Variants in CNTN1 observed in about 807,000 individuals in gnomAD.
CNTN1 encodes contactin 1.
CNTN1 carries 38 observed loss-of-function variants against 126.4 expected under a neutral mutation model. The observed-to-expected ratio is 0.30, with a 90% confidence interval of 0.23 to 0.39. The LOEUF is 0.39. CNTN1 is among the 10% of genes least tolerant of loss of function. The pLI, the probability that CNTN1 is intolerant of heterozygous loss-of-function variation, is 1.00. For synonymous variants in CNTN1, 413 were observed against 422.6 expected, an observed-to-expected ratio of 0.98 and a Z score of 0.28; for missense variants, 1,009 against 1,248.4, an observed-to-expected ratio of 0.81 and a Z score of 2.89.
intron 1 of CNTN1, among the ~76,000 whole-genome samples, chr12:40,886,578 C>T (rs1445354014): frequency 6.6e-6 from 1 of 152,112 alleles, no homozygotes; most frequent in Non-Finnish European, 1.5e-5. Context: ...TTAATTAGAT[C>T]CCATTTGTCA....
Position 40,820,683 on chromosome 12 carries a change from T to C in CNTN1, c.-76-87674T>C, listed in dbSNP as rs1941415594. Among the ~76,000 whole-genome samples the C allele has an allele frequency of 2.6e-5, 4 of 152,122 alleles. 1 individual carries two copies. Among genetic ancestry groups the C allele is most frequent in the South Asian group, 4.2e-4 (2 of 4,812 alleles). On this transcript the variant is annotated intron_variant, in intron 1 of 23. Transcript: ENST00000551295. ...CTCTCCAGGTTGTTCACAGTGGCAA[T>C]GGCTCTTGGTGACCTCAGTGGTGAA...
chr12:40,769,873 G>A (rs1592067116), intron 1 of CNTN1, among the ~76,000 whole-genome samples: 1 of 151,938 alleles, frequency 6.6e-6, no homozygotes, highest in Non-Finnish European at 1.5e-5. Flanking sequence ...TTCATCCTTG[G>A]CCCAGTAATT....
At chr12:40,790,320 GT>G (rs1940171796) in intron 1 of CNTN1, among the ~76,000 whole-genome samples, 1 of 152,066 alleles carries the variant, frequency 6.6e-6, no homozygotes, top group Non-Finnish European at 1.5e-5. Context: ...GGTGGGCAGT[GT>G]TATGGATAGG....
intron 1 of CNTN1, among the ~76,000 whole-genome samples, chr12:40,862,476 T>C (rs1369797086): frequency 2.6e-5 from 4 of 152,208 alleles, no homozygotes; most frequent in Non-Finnish European, 5.9e-5. Context: ...TTACATGTGT[T>C]TCCTCTCCTT....
intron 23 of CNTN1, among the ~76,000 whole-genome samples, chr12:41,036,843 A>G (rs1418555654): frequency 1.3e-5 from 2 of 152,216 alleles, no homozygotes; most frequent in Non-Finnish European, 2.9e-5. Context: ...GGCTTGGCAT[A>G]TACTTGCCAA....
At chr12:41,059,716 T>C (rs370156492) in intron 23 of CNTN1, among the ~76,000 whole-genome samples, 1 of 152,166 alleles carries the variant, frequency 6.6e-6, no homozygotes, top group Non-Finnish European at 1.5e-5. Context: ...CTAAGTGGTT[T>C]AAAAGAATTA....
intron 1 of CNTN1, among the ~76,000 whole-genome samples, chr12:40,732,709 A>G (rs1942531216): frequency 6.6e-6 from 1 of 152,040 alleles, no homozygotes; most frequent in African/African-American, 2.4e-5. Context: ...AGTGTTAATG[A>G]TTTGCCTACA....
At chr12:40,696,379 T>C (rs1565611447) in intron 1 of CNTN1, among the ~76,000 whole-genome samples, 1 of 152,242 alleles carries the variant, frequency 6.6e-6, no homozygotes, top group Non-Finnish European at 1.5e-5. Context: ...CTAATTTGTA[T>C]CTTTCTCTGC....
chr12:40,904,733 A>G (rs1343980240), intron 1 of CNTN1, among the ~76,000 whole-genome samples: 1 of 152,188 alleles, frequency 6.6e-6, no homozygotes, highest in Non-Finnish European at 1.5e-5. Context: ...CCCAGACCCT[A>G]TTCTTATTTT....
intron 15 of CNTN1, among the ~76,000 whole-genome samples, chr12:40,975,178 TTATATATA>T (rs58939653): frequency 0.013 from 611 of 48,540 alleles, 3 homozygotes; most frequent in African/African-American, 0.021. Context: ...GTAAAATGGA[TTATATATA>T]TATATATATA....
intron 3 of CNTN1, among the ~76,000 whole-genome samples, chr12:40,917,090 T>C (rs1184252289): frequency 2.0e-5 from 3 of 149,714 alleles, no homozygotes; most frequent in East Asian, 4.1e-4. Flanking sequence ...AACTTGAGGA[T>C]TTTAGTAACC....
At chr12:40,914,979 C>CTA (rs1759750410) in intron 3 of CNTN1, among the ~76,000 whole-genome samples, 1 of 151,940 alleles carries the variant, frequency 6.6e-6, no homozygotes, top group Non-Finnish European at 1.5e-5. Flanking sequence ...ATGTGACATT[C>CTA]TATAATTTTC....
chr12:41,069,230 G>A lies in CNTN1; in HGVS notation c.2981-729G>A, dbSNP rs918013075. On this transcript the variant is annotated intron_variant, in intron 23 of 23. Transcript: ENST00000551295. Reference sequence around the variant, plus strand: ...ACATCATTTCAATTTTTAATTCACAGTGTAATATCTCAGGGCAATTGTTCT... The same window carrying A: ...ACATCATTTCAATTTTTAATTCACAATGTAATATCTCAGGGCAATTGTTCT... Among the ~76,000 whole-genome samples the A allele has an allele frequency of 6.6e-5, 10 of 152,124 alleles. No individual in the cohort carries two copies. The East Asian group carries it at 1.5e-3, about 23-fold the overall frequency.
chr12:40,706,388 C>T (rs1213805778), intron 1 of CNTN1, among the ~76,000 whole-genome samples: 1 of 151,892 alleles, frequency 6.6e-6, no homozygotes, highest in Non-Finnish European at 1.5e-5. Flanking sequence ...CCTGGCCTGA[C>T]TTCTCCCAGG....
chr12:40,946,518 A>G (rs1946439851), intron 14 of CNTN1, among the ~76,000 whole-genome samples: 1 of 152,154 alleles, frequency 6.6e-6, no homozygotes, highest in Admixed American at 6.6e-5. Context: ...AGACATGGAC[A>G]CCAGCCCAAA....
At chr12:40,887,844 A>G (rs1390427650) in intron 1 of CNTN1, among the ~76,000 whole-genome samples, 1 of 152,108 alleles carries the variant, frequency 6.6e-6, no homozygotes, top group Non-Finnish European at 1.5e-5. Flanking sequence ...ATAAAAAATG[A>G]TGAGTTCATG....
intron 1 of CNTN1, among the ~76,000 whole-genome samples, chr12:40,806,972 C>G (rs957093790): frequency 3.3e-5 from 5 of 151,936 alleles, no homozygotes; most frequent in Non-Finnish European, 7.4e-5. Context: ...TTTCTACATC[C>G]TAAATGAAGG....
intron 1 of CNTN1, among the ~76,000 whole-genome samples, chr12:40,882,097 T>C (rs1288261336): frequency 6.6e-6 from 1 of 151,714 alleles, no homozygotes; most frequent in East Asian, 1.9e-4. Flanking sequence ...CAGGGACTGA[T>C]AGGCAGAAGT....
chr12:40,849,538 T>C (rs1942641883), intron 1 of CNTN1, among the ~76,000 whole-genome samples: 1 of 152,018 alleles, frequency 6.6e-6, no homozygotes, highest in African/African-American at 2.4e-5. Flanking sequence ...ATCATGGAGC[T>C]TGGTTGTAAT....
Sources: gnomAD v4.1 joint callset for allele counts (sites outside exome capture counted in the v4.1 genomes callset) on GRCh38, gnomAD v4.1.1 for gene constraint, MANE v1.5 for transcripts, NCBI Gene and HGNC (gene_info 2026-07-23, HGNC 2026-07-21) for gene names.